The following MDH1 variants were observed in gnomAD, a reference collection of about 807,000 sequenced individuals.
MDH1 encodes the protein malate dehydrogenase 1.
MDH1 carries 15 observed loss-of-function variants against 38.7 expected under a neutral mutation model. That is an observed-to-expected ratio of 0.39 (90% CI 0.26 to 0.60). The LOEUF is 0.60. Ranked by LOEUF, MDH1 falls within the 20% of genes least tolerant of loss-of-function variation. The pLI is 0.56. For missense variants in MDH1, 368 were observed against 405.2 expected (o/e 0.91, Z 0.79); for synonymous variants, 144 against 143.6 (o/e 1.00, Z -0.02).
intron 1 of MDH1, chr2:63,591,089 A>G (rs1709194162): frequency 1.3e-5 from 2 of 152,254 alleles, no homozygotes; most frequent in South Asian, 2.1e-4. Flanking sequence ...TTCAATCTTT[A>G]TAGCTGAGAA....
chr2:63,604,551 A>G, intron 5 of MDH1, 145 bp from the exon 6 acceptor site: 1 of 682,060 alleles, frequency 1.5e-6, no homozygotes, highest in Non-Finnish European at 2.4e-6. Context: ...ATAAATTTAC[A>G]TTTTTTACAA....
At chr2:63,597,275 A>T (rs181135284) in intron 3 of MDH1, 124 bp from the exon 4 acceptor site, 1 of 1,246,410 alleles carries the variant, frequency 8.0e-7, no homozygotes, top group Non-Finnish European at 1.0e-6. Context: ...CCTGAAATGT[A>T]TATCAGTGTG....
rs1341555173 is a variant in MDH1, at chr2:63,589,010, G to A, written c.-34G>A. 3 of 1,614,072 alleles carry A rather than the reference G, an allele frequency of 1.9e-6. No homozygotes were observed. In the African/African-American group the frequency reaches 4.0e-5, roughly 22 times the overall value. The stretch of plus-strand genomic sequence containing the variant: ...GACCTGACTCTCTGAGGCTCATTTT[G>A]CAGTTGTTGAAATTGTCCCCGCAGT... On this transcript the variant is annotated 5_prime_UTR_variant, in exon 1 of 9. Coordinates refer to ENST00000233114, the MANE Select transcript of MDH1 (RefSeq NM_005917.4).
intron 2 of MDH1, chr2:63,594,896 A>T (rs1709274901): frequency 3.5e-6 from 1 of 284,674 alleles, no homozygotes; most frequent in Non-Finnish European, 6.7e-6. Context: ...AGAGTTACTC[A>T]GTAAGCACTC....
intron 1 of MDH1, among the ~76,000 whole-genome samples, chr2:63,592,234 C>G (rs999336133): frequency 1.3e-5 from 2 of 152,168 alleles, no homozygotes; most frequent in African/African-American, 4.8e-5. Context: ...AAGGTAATAT[C>G]ATTAGTACTA....
Position 63,607,088 on chromosome 2 carries a change from G to GA in MDH1, c.*106dup. 1 of 1,186,532 alleles carries GA rather than the reference G, an allele frequency of 8.4e-7. No homozygotes were observed. The highest frequency in any genetic ancestry group is 2.5e-5 in the Admixed American group (1 of 39,448). 73.5% of individuals were successfully genotyped at this position (1,186,532 alleles called of 1,614,324 possible). ...ATAATGCTATACTTAAATTACTTGT[G>GA]AAAAACAACACATTTTAAAGATTAC... On this transcript the variant is annotated 3_prime_UTR_variant, in exon 9 of 9. Coordinates refer to ENST00000233114, the MANE Select transcript of MDH1 (RefSeq NM_005917.4).
chr2:63,593,107 G>GT (rs34177697), intron 1 of MDH1: 6,203 of 147,246 alleles, frequency 0.042, 149 homozygotes, highest in Middle Eastern at 0.11. Flanking sequence ...GTTGTTTTTT[G>GT]TTTTTTTTTT....
chr2:63,589,384 G>A lies in MDH1; in HGVS notation c.3+338G>A, dbSNP rs758577554. The A allele has an allele frequency of 7.1e-6, 11 of 1,550,518 alleles. No individual in the cohort carries two copies. In the South Asian group the frequency reaches 1.3e-4, roughly 18 times the overall value. On this transcript the variant is annotated intron_variant, in intron 1 of 8. Transcript: ENST00000233114. ...TTACGGTGTTTGATAAGGACGATAA[G>A]GTTTGCGATGGGAGGGAAAGGTTGG...
chr2:63,594,116 T>C (rs1709256456), intron 1 of MDH1, among the ~76,000 whole-genome samples: 1 of 152,200 alleles, frequency 6.6e-6, no homozygotes, highest in African/African-American at 2.4e-5. Context: ...GAAGATTCTA[T>C]TGAGCAGATG....
At chr2:63,598,998 A>T (rs570816691) in intron 4 of MDH1, among the ~76,000 whole-genome samples, 172 bp from the exon 5 acceptor site, 1 of 151,618 alleles carries the variant, frequency 6.6e-6, no homozygotes, top group South Asian at 2.1e-4. Flanking sequence ...TTACCATTTT[A>T]TAAAAGATTT....
chr2:63,597,306 A>G, intron 3 of MDH1, 93 bp from the exon 4 acceptor site: 1 of 1,280,920 alleles, frequency 7.8e-7, no homozygotes, highest in Non-Finnish European at 1.0e-6. Context: ...ACTTGCAACA[A>G]GTGAAAGAAT....
chr2:63,589,480 C>T, intron 1 of MDH1: 1 of 1,246,328 alleles, frequency 8.0e-7, no homozygotes, highest in East Asian at 2.5e-5. Context: ...ACCTTGAAAG[C>T]AAAAAGCTGG....
chr2:63,589,095 G>C (rs1034189254), intron 1 of MDH1, 49 bp downstream of exon 1: 1 of 1,614,122 alleles, frequency 6.2e-7, no homozygotes, highest in Non-Finnish European at 8.5e-7. Context: ...TCGCGCCCTT[G>C]AGTGGGGTTT....
chr2:63,597,382 T>A lies in MDH1; in HGVS notation c.200-17T>A, dbSNP rs1047519281. On this transcript the variant is annotated splice_polypyrimidine_tract_variant and intron_variant, in intron 3 of 8. Coordinates refer to ENST00000233114, the MANE Select transcript of MDH1 (RefSeq NM_005917.4). ...TGATGTTTAAGTAGCTCTGCGTATT[T>A]ATTGCCATGTCCACAGATGTCATCG... The A allele has an allele frequency of 2.2e-6, 3 of 1,351,102 alleles. No individual in the cohort carries two copies. The highest frequency in any genetic ancestry group is 2.9e-6 in the Non-Finnish European group (3 of 1,040,552). 83.7% of individuals were successfully genotyped at this position (1,351,102 alleles called of 1,614,324 possible).
intron 1 of MDH1, among the ~76,000 whole-genome samples, chr2:63,591,161 C>T (rs948892025): frequency 2.0e-5 from 3 of 152,230 alleles, no homozygotes; most frequent in African/African-American, 7.2e-5. Flanking sequence ...CAAAGACGTT[C>T]CTTTTTTGGA....
At chr2:63,589,549 C>G (rs564397905) in intron 1 of MDH1, among the ~76,000 whole-genome samples, 1 of 152,202 alleles carries the variant, frequency 6.6e-6, no homozygotes, top group Non-Finnish European at 1.5e-5. Context: ...AGACGTGTTT[C>G]CGCCATATCT....
rs1709372232 is a variant in MDH1 at position 63,599,049 on chromosome 2, G to A, written c.376-121G>A. On this transcript the variant is annotated intron_variant, in intron 4 of 8. Transcript: ENST00000233114. The stretch of plus-strand genomic sequence containing the variant: ...CATTTTCCTATGCTATATTGTATTT[G>A]GTGTTTCCCAAGCCTCCCCTGTACA... 4 of 796,428 alleles carry A rather than the reference G, an allele frequency of 5.0e-6. No individual in the cohort carries two copies. In the East Asian group the frequency reaches 8.6e-5, roughly 17 times the overall value. The allele number at this position is 796,428 out of a possible 1,614,324, so 49.3% of individuals were successfully genotyped here.
chr2:63,603,149 G>A (rs1709460082), intron 5 of MDH1, among the ~76,000 whole-genome samples: 1 of 151,736 alleles, frequency 6.6e-6, no homozygotes, highest in South Asian at 2.1e-4. Flanking sequence ...TAGTAGAGAC[G>A]GGGCTTCACC....
chr2:63,606,969 A>AT lies in MDH1; in HGVS notation c.990dup (p.Leu331SerfsTer9), dbSNP rs1310055412. The AT allele has an allele frequency of 6.2e-7, 1 of 1,611,976 alleles. No individual in the cohort carries two copies. Among genetic ancestry groups the AT allele is most frequent in the Non-Finnish European group, 8.5e-7 (1 of 1,179,204 alleles). ...CAGAAGAAAAAGAAAGTGCTTTTGA[A>AT]TTTCTTTCCTCTGCCTGACTAGACA... On this transcript the variant is annotated frameshift_variant, in exon 9 of 9. Transcript: ENST00000233114. LOFTEE classifies it high-confidence loss of function.
Sources: allele counts gnomAD v4.1 joint callset (sites outside exome capture counted in the v4.1 genomes callset), GRCh38; gene constraint gnomAD v4.1.1; transcripts MANE v1.5; gene names NCBI Gene and HGNC (gene_info 2026-07-23, HGNC 2026-07-21).